Variants in ACACB observed in about 807,000 individuals in gnomAD.
The protein encoded by ACACB is acetyl-CoA carboxylase 2.
ACACB carries 209 observed loss-of-function variants against 278.8 expected under a neutral mutation model. The observed-to-expected ratio is 0.75, with a 90% CI of 0.67 to 0.84. The LOEUF is 0.84. Ranked by LOEUF, ACACB falls within the 40% of genes least tolerant of loss-of-function variation. ACACB has a pLI of 0.00. For missense variants in ACACB, 2,850 were observed against 3,269.0 expected, an observed-to-expected ratio of 0.87 and a Z score of 3.13; for synonymous variants, 1,174 against 1,285.6, an observed-to-expected ratio of 0.91 and a Z score of 1.86.
intron 3 of ACACB, chr12:109,167,416 G>T: frequency 6.4e-6 from 1 of 156,958 alleles, no homozygotes. Context: ...TGGACGACAT[G>T]ACAAAATCCT....
intron 16 of ACACB, among the ~76,000 whole-genome samples, chr12:109,194,483 C>T (rs1246235809): frequency 2.8e-5 from 4 of 144,096 alleles, no homozygotes; most frequent in Non-Finnish European, 6.0e-5. Context: ...AGGCATGAGC[C>T]ACCCCCCAAC....
chr12:109,141,047 G>T (rs939983429), intron 2 of ACACB, among the ~76,000 whole-genome samples: 1 of 151,786 alleles, frequency 6.6e-6, no homozygotes, highest in African/African-American at 2.4e-5. Flanking sequence ...GACTACAGGT[G>T]TGCACCACCA....
intron 2 of ACACB, among the ~76,000 whole-genome samples, chr12:109,151,281 C>T (rs2043369551): frequency 6.6e-6 from 1 of 152,092 alleles, no homozygotes; most frequent in African/African-American, 2.4e-5. Context: ...CTGCGCCCGG[C>T]CTCCTAAAAT....
chr12:109,111,944 G>A (rs2042303258), upstream of ACACB, among the ~76,000 whole-genome samples: 1 of 152,032 alleles, frequency 6.6e-6, no homozygotes, highest in African/African-American at 2.4e-5. Context: ...ATGCATGGTC[G>A]ATTTGCCCTC....
At chr12:109,133,869 T>TATATATAA (rs1565850850) in intron 1 of ACACB, among the ~76,000 whole-genome samples, 1 of 40,990 alleles carries the variant, frequency 2.4e-5, no homozygotes, top group African/African-American at 1.0e-4. Flanking sequence ...ATATATTTTT[T>TATATATAA]TTTTTTTTTT....
At chr12:109,174,301 AC>A in intron 7 of ACACB, 71 bp downstream of exon 7, 1 of 1,208,676 alleles carries the variant, frequency 8.3e-7, no homozygotes, top group Non-Finnish European at 1.2e-6. Context: ...GGTCAGGGTG[AC>A]AGAAGTATGC....
At chr12:109,136,766 T>C (rs1018805006) in intron 1 of ACACB, among the ~76,000 whole-genome samples, 11 of 152,230 alleles carry the variant, frequency 7.2e-5, no homozygotes, top group Admixed American at 6.5e-4. Flanking sequence ...TCTGGCACTT[T>C]CTACATATAG....
At chr12:109,202,389 A>G (rs955141204) in intron 19 of ACACB, among the ~76,000 whole-genome samples, 1 of 151,950 alleles carries the variant, frequency 6.6e-6, no homozygotes, top group African/African-American at 2.4e-5. Flanking sequence ...ATCTCGACTC[A>G]CTGCAACCTC....
At chr12:109,221,976 A>T (rs912618934) in intron 24 of ACACB, among the ~76,000 whole-genome samples, 4 of 150,252 alleles carry the variant, frequency 2.7e-5, no homozygotes, top group East Asian at 2.0e-4. Flanking sequence ...TCCACCTCCC[A>T]AGGGATGATC....
chr12:109,204,971 C>T (rs941478744), intron 19 of ACACB, among the ~76,000 whole-genome samples: 3 of 152,026 alleles, frequency 2.0e-5, no homozygotes, highest in South Asian at 2.1e-4. Context: ...CTCAGACTCC[C>T]GGGTAGCAAG....
chr12:109,216,092 C>T (rs954342172), intron 22 of ACACB, among the ~76,000 whole-genome samples: 40 of 151,936 alleles, frequency 2.6e-4, no homozygotes, highest in Non-Finnish European at 7.4e-5. Context: ...AGCCACCATG[C>T]CTGGCCTTAA....
intron 19 of ACACB, 77 bp downstream of exon 19, chr12:109,201,778 G>A: frequency 2.6e-6 from 4 of 1,560,286 alleles, no homozygotes; most frequent in Admixed American, 1.8e-5. Flanking sequence ...TGAGACAGGT[G>A]GACTCAAGGC....
chr12:109,120,773 G>A (rs901506119), intron 1 of ACACB, among the ~76,000 whole-genome samples: 3 of 152,144 alleles, frequency 2.0e-5, no homozygotes, highest in East Asian at 1.9e-4. Context: ...CCTGGAGCTG[G>A]AGGGCCCAGC....
At chr12:109,260,368 C>G in intron 47 of ACACB, 112 bp from the exon 48 acceptor site, 1 of 1,380,428 alleles carries the variant, frequency 7.2e-7, no homozygotes, top group Non-Finnish European at 1.0e-6. Flanking sequence ...CCAGTGCTCT[C>G]CAAGCCTCTC....
chr12:109,259,075 G>T lies in ACACB; in HGVS notation c.6463G>T (p.Ala2155Ser), dbSNP rs1206864081. Residue 2155 changes from alanine to serine, a missense_variant, in exon 47 of 53, where the codon GCC becomes TCC. Coordinates refer to ENST00000338432, the MANE Select transcript of ACACB (RefSeq NM_001093.4). ...GGAGAAGTTGCCCCTGATGATCTTT[G>T]CCAACTGGAGGGGGTTCTCCGGTGG... is the stretch of plus-strand genomic sequence containing the variant. The part of the protein sequence containing the change: ...NREKLPLMIF[A>S]NWRGFSGGMK... 1.2e-6 allele frequency: 2 copies of T among 1,614,048 alleles called. No individual in the cohort carries two copies. Among genetic ancestry groups the T allele is most frequent in the Admixed American group, 3.3e-5 (2 of 60,016 alleles).
chr12:109,230,622 G>A (rs370062399), intron 28 of ACACB, among the ~76,000 whole-genome samples: 293 of 152,218 alleles, frequency 1.9e-3, no homozygotes, highest in African/African-American at 6.8e-3. Context: ...AGAGATGGGG[G>A]TCTCACTATG....
At chr12:109,205,097 G>A (rs760687334) in intron 19 of ACACB, among the ~76,000 whole-genome samples, 15 of 152,172 alleles carry the variant, frequency 9.9e-5, no homozygotes, top group Non-Finnish European at 1.5e-4. Flanking sequence ...CAAGCGATCC[G>A]TCCACCTTGG....
chr12:109,239,771 C>T, intron 34 of ACACB, 59 bp from the exon 35 acceptor site: 1 of 1,496,418 alleles, frequency 6.7e-7, no homozygotes, highest in South Asian at 1.3e-5. Context: ...AGTTTCCAGC[C>T]AGCTGGGAGT....
At chr12:109,210,434 C>T (rs180783690) in intron 21 of ACACB, among the ~76,000 whole-genome samples, 14 of 120,078 alleles carry the variant, frequency 1.2e-4, no homozygotes, top group Admixed American at 2.4e-4. Context: ...TGTATATACA[C>T]GCACATACAT....
Sources: allele counts gnomAD v4.1 joint callset (sites outside exome capture counted in the v4.1 genomes callset), GRCh38; gene constraint gnomAD v4.1.1; transcripts MANE v1.5; gene names NCBI Gene and HGNC (gene_info 2026-07-23, HGNC 2026-07-21).